Variants in EPHA3 observed in about 807,000 individuals in gnomAD.
The protein encoded by EPHA3 is EPH receptor A3, also known as ephrin type-A receptor 3.
Under a neutral mutation model 107.1 loss-of-function variants are expected in EPHA3, and 42 were observed. That is an observed-to-expected ratio of 0.39 (90% CI 0.31 to 0.51). EPHA3 has a LOEUF of 0.51. EPHA3 is among the 20% of genes least tolerant of loss of function. EPHA3 has a pLI of 0.78. For synonymous variants in EPHA3, 461 were observed against 424.8 expected (o/e 1.09, Z -1.05); for missense variants, 1,183 against 1,211.2 (o/e 0.98, Z 0.35).
intron 3 of EPHA3, among the ~76,000 whole-genome samples, chr3:89,233,736 T>C (rs558474994): frequency 6.6e-6 from 1 of 152,284 alleles, no homozygotes; most frequent in South Asian, 2.1e-4. Context: ...CTGAGATAAA[T>C]GGATGCATTT....
chr3:89,165,004 CTG>C (rs1705032262), intron 2 of EPHA3, among the ~76,000 whole-genome samples: 1 of 152,136 alleles, frequency 6.6e-6, no homozygotes, highest in African/African-American at 2.4e-5. Context: ...ACTTCAGAAA[CTG>C]TTTCTTATTT....
intron 16 of EPHA3, 57 bp from the exon 17 acceptor site, chr3:89,479,340 C>T (rs748041984): frequency 1.3e-5 from 18 of 1,383,680 alleles, no homozygotes; most frequent in Non-Finnish European, 1.5e-5. Context: ...AATTGAAAAT[C>T]TCCTGCTTAT....
chr3:89,393,547 G>A (rs1259406912), intron 5 of EPHA3, among the ~76,000 whole-genome samples: 1 of 152,050 alleles, frequency 6.6e-6, no homozygotes, highest in African/African-American at 2.4e-5. Flanking sequence ...GTTTCATGGT[G>A]GTATCAAATT....
intron 2 of EPHA3, among the ~76,000 whole-genome samples, chr3:89,135,432 G>A (rs1704290319): frequency 6.6e-6 from 1 of 152,046 alleles, no homozygotes; most frequent in Admixed American, 6.6e-5. Flanking sequence ...TACAGTTCCT[G>A]TATTAATTGC....
intron 1 of EPHA3, among the ~76,000 whole-genome samples, chr3:89,112,981 G>T (rs1707149288): frequency 6.6e-6 from 1 of 152,072 alleles, no homozygotes; most frequent in Admixed American, 6.6e-5. Flanking sequence ...TTTGAGAGAA[G>T]ATTTAGAAGA....
intron 3 of EPHA3, among the ~76,000 whole-genome samples, chr3:89,229,600 T>C (rs1196506780): frequency 1.3e-5 from 2 of 151,250 alleles, no homozygotes; most frequent in Admixed American, 6.6e-5. Flanking sequence ...AATAAGAAAA[T>C]TTAGGAAGAC....
At chr3:89,195,997 A>AGGATTGGGCTAAACT (rs1705829062) in intron 2 of EPHA3, among the ~76,000 whole-genome samples, 1 of 152,050 alleles carries the variant, frequency 6.6e-6, no homozygotes, top group African/African-American at 2.4e-5. Flanking sequence ...CTCAGATCCC[A>AGGATTGGGCTAAACT]GGATTGGGCT....
intron 1 of EPHA3, among the ~76,000 whole-genome samples, chr3:89,117,477 C>T (rs1707284343): frequency 6.6e-6 from 1 of 151,978 alleles, no homozygotes; most frequent in South Asian, 2.1e-4. Flanking sequence ...CATCTGATGG[C>T]AGTCTTCACA....
intron 15 of EPHA3, among the ~76,000 whole-genome samples, chr3:89,469,414 C>T (rs1463319140): frequency 6.6e-6 from 1 of 152,136 alleles, no homozygotes; most frequent in East Asian, 1.9e-4. Context: ...TTTCATGCAT[C>T]GCTGTAAAAA....
At chr3:89,191,316 A>AT (rs945443457) in intron 2 of EPHA3, among the ~76,000 whole-genome samples, 32 of 149,442 alleles carry the variant, frequency 2.1e-4, no homozygotes, top group East Asian at 9.8e-4. Context: ...TTATTTTTTT[A>AT]TTTTTTTTGA....
intron 3 of EPHA3, among the ~76,000 whole-genome samples, chr3:89,296,660 A>G (rs757473110): frequency 6.6e-6 from 1 of 152,182 alleles, no homozygotes; most frequent in Non-Finnish European, 1.5e-5. Flanking sequence ...GTTTCAGCTT[A>G]AAGTCACCAG....
rs150177346 is a variant in EPHA3 at position 89,429,812 on chromosome 3, A to G, written c.2136+645A>G. Among the ~76,000 whole-genome samples, 643 of 149,196 alleles carry G rather than the reference A, an allele frequency of 4.3e-3. 5 individuals carry two copies. The highest frequency in any genetic ancestry group is 0.015 in the African/African-American group (584 of 38,710). ...AATGGTGCAATGGTGCAATGGTGCA[A>G]TGGTGCAATGGTGCAATCTTGGCTC... On this transcript the variant is annotated intron_variant, in intron 12 of 16. Transcript: ENST00000336596.
chr3:89,220,298 C>T (rs74915537), intron 3 of EPHA3, among the ~76,000 whole-genome samples: 1,900 of 152,236 alleles, frequency 0.012, 28 homozygotes, highest in African/African-American at 0.042. Flanking sequence ...CACATTCGTT[C>T]AGGAATTTTC....
At chr3:89,379,027 A>G (rs1469271383) in intron 5 of EPHA3, among the ~76,000 whole-genome samples, 3 of 152,056 alleles carry the variant, frequency 2.0e-5, no homozygotes, top group African/African-American at 7.3e-5. Context: ...AATTCTTCAG[A>G]TAAATTAATC....
chr3:89,283,167 G>T (rs1323676943), intron 3 of EPHA3, among the ~76,000 whole-genome samples: 2 of 152,070 alleles, frequency 1.3e-5, no homozygotes, highest in African/African-American at 4.8e-5. Flanking sequence ...GTAATGGAAA[G>T]AATTTATTGT....
intron 3 of EPHA3, among the ~76,000 whole-genome samples, chr3:89,248,890 T>C (rs1705099034): frequency 6.6e-6 from 1 of 152,220 alleles, no homozygotes; most frequent in African/African-American, 2.4e-5. Context: ...ACAGCATACT[T>C]CAAATTCTTC....
At chr3:89,423,627 T>TCTGAA (rs1709396450) in intron 11 of EPHA3, among the ~76,000 whole-genome samples, 1 of 151,352 alleles carries the variant, frequency 6.6e-6, no homozygotes, top group East Asian at 1.9e-4. Context: ...AACATGTCTG[T>TCTGAA]CTAAGTAACC....
At chr3:89,300,724 C>A (rs990255137) in intron 3 of EPHA3, among the ~76,000 whole-genome samples, 2 of 152,022 alleles carry the variant, frequency 1.3e-5, no homozygotes, top group African/African-American at 4.8e-5. Flanking sequence ...GCTCTGTACT[C>A]CAAGATATAC....
At chr3:89,351,925 CAAA>C (rs71621543) in intron 5 of EPHA3, among the ~76,000 whole-genome samples, 3 of 84,018 alleles carry the variant, frequency 3.6e-5, no homozygotes, top group Non-Finnish European at 5.2e-5. Context: ...AAGGCAGATG[CAAA>C]AAAAAAAAAA....
Sources: gnomAD v4.1 joint callset for allele counts (sites outside exome capture counted in the v4.1 genomes callset) on GRCh38, gnomAD v4.1.1 for gene constraint, MANE v1.5 for transcripts, NCBI Gene and HGNC (gene_info 2026-07-23, HGNC 2026-07-21) for gene names.